Variants in SENP7 observed in about 807,000 individuals in gnomAD.
The protein encoded by SENP7 is SUMO specific peptidase 7, also known as sentrin-specific protease 7.
A neutral mutation model predicts 141.2 loss-of-function variants in SENP7; 64 were observed. That is an observed-to-expected ratio of 0.45 (90% confidence interval 0.37 to 0.56). SENP7 has a LOEUF of 0.56. Ranked by LOEUF, SENP7 falls within the 20% of genes least tolerant of loss-of-function variation. The pLI is 0.00. For synonymous variants in SENP7, 382 were observed against 426.4 expected (o/e 0.90, Z 1.28); for missense variants, 1,025 against 1,212.2 (o/e 0.85, Z 2.29).
intron 5 of SENP7, among the ~76,000 whole-genome samples, chr3:101,401,582 A>T (rs1350084821): frequency 6.6e-6 from 1 of 152,134 alleles, no homozygotes; most frequent in African/African-American, 2.4e-5. Flanking sequence ...TGAACACACA[A>T]ATAATAAGAA....
At chr3:101,337,368 C>A in intron 17 of SENP7, 141 bp downstream of exon 17, 1 of 493,480 alleles carries the variant, frequency 2.0e-6, no homozygotes, top group Non-Finnish European at 3.5e-6. Context: ...AGAAATGGCT[C>A]TCATGGCAAA....
chr3:101,504,340 T>TC (rs2065507011), intron 1 of SENP7, among the ~76,000 whole-genome samples: 1 of 149,988 alleles, frequency 6.7e-6, no homozygotes, highest in Admixed American at 6.7e-5. Context: ...GTGCCTATAA[T>TC]CCCAGCTACT....
chr3:101,380,445 C>CCA lies in SENP7; in HGVS notation c.678-8321_678-8320dup, dbSNP rs1553707805. 1.9e-3 allele frequency among the ~76,000 whole-genome samples: 247 copies of CCA among 128,862 alleles called. 4 individuals are homozygous for CCA. The highest frequency in any genetic ancestry group is 4.2e-3 in the Admixed American group (53 of 12,550). The allele number at this position is 128,862 out of a possible 152,430, so 84.5% of individuals were successfully genotyped here. On this transcript the variant is annotated intron_variant, in intron 6 of 23. Transcript: ENST00000394095. ...GTAAAGCAAACCACCGCCCCCCCCC[C>CCA]CACACACACACACAAAACAAAACAT...
At chr3:101,332,393 A>G (rs573384106) in intron 18 of SENP7, among the ~76,000 whole-genome samples, 1 of 152,228 alleles carries the variant, frequency 6.6e-6, no homozygotes, top group East Asian at 1.9e-4. Context: ...ATAGACTCAT[A>G]GCATTATTTT....
At chr3:101,367,761 G>T in intron 8 of SENP7, 69 bp downstream of exon 8, 1 of 963,318 alleles carries the variant, frequency 1.0e-6, no homozygotes, top group Non-Finnish European at 1.5e-6. Context: ...AACATTATTT[G>T]GCCACAGTCA....
chr3:101,396,640 C>T, intron 6 of SENP7, among the ~76,000 whole-genome samples: 1 of 152,146 alleles, frequency 6.6e-6, no homozygotes, highest in Non-Finnish European at 1.5e-5. Flanking sequence ...CTGTTTACAA[C>T]TCAGAAAACT....
At chr3:101,385,334 C>T (rs2060622812) in intron 6 of SENP7, among the ~76,000 whole-genome samples, 1 of 152,082 alleles carries the variant, frequency 6.6e-6, no homozygotes, top group Non-Finnish European at 1.5e-5. Flanking sequence ...ATGACCACTA[C>T]AGCAGATTTT....
chr3:101,448,386 T>C (rs551188122), intron 4 of SENP7, among the ~76,000 whole-genome samples: 338 of 152,326 alleles, frequency 2.2e-3, no homozygotes, highest in African/African-American at 7.8e-3. Context: ...TTTTAACTCT[T>C]ACAACAAAAA....
At chr3:101,458,878 C>A in intron 4 of SENP7, 77 bp downstream of exon 4, 1 of 844,342 alleles carries the variant, frequency 1.2e-6, no homozygotes, top group Non-Finnish European at 1.9e-6. Context: ...AATTGAGAAC[C>A]AACAAGCTTA....
chr3:101,478,432 G>A (rs2064311657), intron 3 of SENP7, among the ~76,000 whole-genome samples: 1 of 152,084 alleles, frequency 6.6e-6, no homozygotes, highest in African/African-American at 2.4e-5. Context: ...GAGGTGAGAG[G>A]ATCACTTGAG....
At chr3:101,383,059 A>G (rs1049369099) in intron 6 of SENP7, among the ~76,000 whole-genome samples, 1 of 152,204 alleles carries the variant, frequency 6.6e-6, no homozygotes, top group African/African-American at 2.4e-5. Flanking sequence ...TTAAGTTTGG[A>G]TAATTGTCCC....
intron 2 of SENP7, among the ~76,000 whole-genome samples, chr3:101,497,103 A>G (rs2065187669): frequency 6.6e-6 from 1 of 152,260 alleles, no homozygotes; most frequent in Non-Finnish European, 1.5e-5. Context: ...ATAAGTAAAT[A>G]TATTGTAGAT....
chr3:101,461,144 C>T (rs537526533), intron 3 of SENP7, among the ~76,000 whole-genome samples: 1 of 151,912 alleles, frequency 6.6e-6, no homozygotes, highest in Non-Finnish European at 1.5e-5. Context: ...AAGATCTCCA[C>T]AATGAAAACC....
chr3:101,464,341 G>A (rs543183257), intron 3 of SENP7, among the ~76,000 whole-genome samples: 3 of 152,218 alleles, frequency 2.0e-5, no homozygotes, highest in South Asian at 2.1e-4. Context: ...ATTGGTCCAT[G>A]GCCTGTTAGG....
At position 101,340,094 on chromosome 3, in the gene SENP7, C is replaced by T. The variant is rs754942818; in HGVS notation, c.2357+1G>A. The T allele has an allele frequency of 1.3e-6, 2 of 1,575,744 alleles. No homozygotes were observed. The highest frequency in any genetic ancestry group is 1.7e-6 in the Non-Finnish European group (2 of 1,167,830). ...GTAGGATCATTTATCATTGTACTTA[C>T]TTAAGGTAAAAATCAATGATTACAT... is the stretch of plus-strand genomic sequence containing the variant. On this transcript the variant is annotated splice_donor_variant, in intron 16 of 23. Transcript: ENST00000394095. LOFTEE classifies it high-confidence loss of function.
At chr3:101,358,172 C>A in intron 11 of SENP7, 1 of 563,538 alleles carries the variant, frequency 1.8e-6, no homozygotes, top group Non-Finnish European at 3.1e-6. Flanking sequence ...ATATACCCTA[C>A]AAATGTGATC....
At chr3:101,346,382 A>AT (rs2059454317) in intron 13 of SENP7, among the ~76,000 whole-genome samples, 1 of 152,224 alleles carries the variant, frequency 6.6e-6, no homozygotes, top group African/African-American at 2.4e-5. Context: ...TAGAACTACC[A>AT]TTTGATCCAG....
chr3:101,513,007 G>A (rs1576576618), intron 1 of SENP7, 84 bp downstream of exon 1: 12 of 1,508,628 alleles, frequency 8.0e-6, no homozygotes, highest in South Asian at 2.2e-5. Flanking sequence ...GCGGCTTCGG[G>A]CCGCAACCCC....
chr3:101,351,854 C>G (rs2059622979), intron 11 of SENP7, among the ~76,000 whole-genome samples: 1 of 151,788 alleles, frequency 6.6e-6, no homozygotes, highest in Admixed American at 6.6e-5. Flanking sequence ...TAATTTAATT[C>G]TCAATATGCT....
Sources: allele counts gnomAD v4.1 joint callset (sites outside exome capture counted in the v4.1 genomes callset), GRCh38; gene constraint gnomAD v4.1.1; transcripts MANE v1.5; gene names NCBI Gene and HGNC (gene_info 2026-07-23, HGNC 2026-07-21).